The following PGBD5 variants were observed in gnomAD, a reference collection of about 807,000 sequenced individuals.
The protein encoded by PGBD5 is piggyBac transposable element-derived protein 5.
PGBD5 carries 14 observed loss-of-function variants against 47.9 expected under a neutral mutation model. The ratio of observed to expected loss-of-function variants is 0.29; its 90% CI spans 0.19 to 0.46. The LOEUF (loss-of-function observed/expected upper bound fraction) is 0.46, where lower values mean the gene tolerates loss of function less well. Among genes scored for constraint, PGBD5 ranks in the 20% least tolerant of loss-of-function variants. The pLI is 1.00. For synonymous variants in PGBD5, 316 were observed against 306.3 expected (o/e 1.03, Z -0.33); for missense variants, 635 against 716.0 (o/e 0.89, Z 1.29).
In PGBD5 at chr1:230,327,127, C is replaced by T. The variant is rs143436869; in HGVS notation, c.1274-1712G>A. Among the ~76,000 whole-genome samples, 79 of 152,200 alleles carry T rather than the reference C, an allele frequency of 5.2e-4. No individual in the cohort carries two copies. In the East Asian group the frequency reaches 0.013, roughly 25 times the overall value. On this transcript the variant is annotated intron_variant, in intron 5 of 6. Transcript: ENST00000391860. ...CTTCTTCCTAACAGCCGCGGCCATT[C>T]GAGAGTGGCTGGAGTTGACCTACTG...
intron 3 of PGBD5, 21 bp from the exon 4 acceptor site, chr1:230,337,309 GGTTAGCGT>G: frequency 1.3e-6 from 2 of 1,586,894 alleles, no homozygotes; most frequent in Non-Finnish European, 1.7e-6. Context: ...AACACACAGA[GGTTAGCGT>G]GCTCACAGCA....
chr1:230,370,426 A>C (rs985562033), intron 1 of PGBD5, among the ~76,000 whole-genome samples: 3 of 152,344 alleles, frequency 2.0e-5, no homozygotes, highest in Non-Finnish European at 4.4e-5. Context: ...TTTATCAATA[A>C]ATAGAAGCAA....
At chr1:230,391,415 A>C (rs1050401641) in intron 1 of PGBD5, among the ~76,000 whole-genome samples, 5 of 152,204 alleles carry the variant, frequency 3.3e-5, no homozygotes, top group African/African-American at 1.2e-4. Flanking sequence ...GCAGGGATGT[A>C]ATAGAGGTTT....
At chr1:230,422,620 C>A (rs552955327) in intron 1 of PGBD5, among the ~76,000 whole-genome samples, 1 of 152,278 alleles carries the variant, frequency 6.6e-6, no homozygotes, top group East Asian at 1.9e-4. Flanking sequence ...CCTCAATGCA[C>A]AGCCAGAACC....
intron 1 of PGBD5, among the ~76,000 whole-genome samples, chr1:230,420,581 T>C (rs562900929): frequency 6.6e-6 from 1 of 152,318 alleles, no homozygotes; most frequent in East Asian, 1.9e-4. Context: ...AACCAAGATC[T>C]GATGGCTTTA....
chr1:230,392,447 A>G (rs1190911968), intron 1 of PGBD5, among the ~76,000 whole-genome samples: 1 of 152,158 alleles, frequency 6.6e-6, no homozygotes, highest in African/African-American at 2.4e-5. Context: ...AAGCCTTCAG[A>G]TGTCAGTTCA....
intron 1 of PGBD5, chr1:230,362,408 G>C (rs536625811): frequency 1.5e-6 from 2 of 1,346,614 alleles, no homozygotes; most frequent in Admixed American, 2.0e-5. Flanking sequence ...GAGGCTTGCC[G>C]GGGAAGCCTG....
At chr1:230,332,621 G>A (rs1385364586) in intron 5 of PGBD5, among the ~76,000 whole-genome samples, 1 of 152,142 alleles carries the variant, frequency 6.6e-6, no homozygotes, top group Non-Finnish European at 1.5e-5. Flanking sequence ...CCGCTCAAAA[G>A]CTTACAACGA....
intron 3 of PGBD5, 119 bp from the exon 4 acceptor site, chr1:230,337,407 G>T (rs1418968102): frequency 1.9e-6 from 2 of 1,036,892 alleles, no homozygotes; most frequent in East Asian, 2.7e-5. Flanking sequence ...CCATGGAAAA[G>T]CCCCCATCAT....
chr1:230,417,591 G>C (rs1415072820), intron 1 of PGBD5, among the ~76,000 whole-genome samples: 1 of 152,212 alleles, frequency 6.6e-6, no homozygotes, highest in Non-Finnish European at 1.5e-5. Context: ...TCTTGTTTGA[G>C]ACACTTTTCC....
chr1:230,362,137 A>G, intron 1 of PGBD5: 1 of 1,166,060 alleles, frequency 8.6e-7, no homozygotes, highest in Non-Finnish European at 1.1e-6. Context: ...AAGGGCTGTG[A>G]GCACCACGTG....
At chr1:230,418,767 G>GCTAGGCCTGTAATTACAGC (rs1657580970) in intron 1 of PGBD5, among the ~76,000 whole-genome samples, 1 of 152,148 alleles carries the variant, frequency 6.6e-6, no homozygotes, top group Admixed American at 6.5e-5. Context: ...GAGATTACAG[G>GCTAGGCCTGTAATTACAGC]CTAGGCATGA....
chr1:230,389,636 G>A (rs1220541467), intron 1 of PGBD5, among the ~76,000 whole-genome samples: 2 of 152,178 alleles, frequency 1.3e-5, no homozygotes, highest in East Asian at 1.9e-4. Context: ...GGACACTGCA[G>A]GCACAGTACC....
intron 3 of PGBD5, among the ~76,000 whole-genome samples, chr1:230,346,569 C>T (rs1667475546): frequency 6.6e-6 from 1 of 152,132 alleles, no homozygotes; most frequent in East Asian, 1.9e-4. Flanking sequence ...AAGCATATCG[C>T]AAGATTTCCT....
chr1:230,405,824 C>T (rs1314506889), intron 1 of PGBD5, among the ~76,000 whole-genome samples: 1 of 152,192 alleles, frequency 6.6e-6, no homozygotes, highest in African/African-American at 2.4e-5. Context: ...GTTTCTGACA[C>T]CCTTGATTTG....
intron 1 of PGBD5, among the ~76,000 whole-genome samples, chr1:230,392,331 G>T (rs933309046): frequency 1.3e-5 from 2 of 152,090 alleles, no homozygotes; most frequent in Non-Finnish European, 2.9e-5. Context: ...GTACCCCTGC[G>T]TCTCCCCTCC....
rs1572191310 is a variant in PGBD5 at position 230,321,108 on chromosome 1, A to T, written c.*2317T>A. 6.6e-6 allele frequency: 1 copy of T among 152,226 alleles called. No individual in the cohort carries two copies. The highest frequency in any genetic ancestry group is 1.5e-5 in the Non-Finnish European group (1 of 68,038). The allele number at this position is 152,226 out of a possible 1,614,324, so 9.4% of individuals were successfully genotyped here. On this transcript the variant is annotated 3_prime_UTR_variant, in exon 7 of 7. Coordinates refer to ENST00000391860, the MANE Select transcript of PGBD5 (RefSeq NM_001258311.2). ...CACAAACTAGAAGAAAAGAGGGAAAACCACCAGGCCGGAAGGCAGGCCTGC... is the reference window on the plus strand; with the variant it reads ...CACAAACTAGAAGAAAAGAGGGAAATCCACCAGGCCGGAAGGCAGGCCTGC...
chr1:230,351,219 T>C, intron 2 of PGBD5, 127 bp from the exon 3 acceptor site: 1 of 1,048,544 alleles, frequency 9.5e-7, no homozygotes, highest in Non-Finnish European at 1.3e-6. Flanking sequence ...TTACTTTACC[T>C]CTCTGATCCT....
At chr1:230,329,456 T>C (rs1456335802) in intron 5 of PGBD5, among the ~76,000 whole-genome samples, 2 of 152,206 alleles carry the variant, frequency 1.3e-5, no homozygotes, top group African/African-American at 4.8e-5. Flanking sequence ...GAACAGAATA[T>C]AAGATAGAGC....
Sources: allele counts gnomAD v4.1 joint callset (sites outside exome capture counted in the v4.1 genomes callset), GRCh38; gene constraint gnomAD v4.1.1; transcripts MANE v1.5; gene names NCBI Gene and HGNC (gene_info 2026-07-23, HGNC 2026-07-21).